CDH18: variants seen among roughly 807,000 people sequenced by gnomAD.
The protein encoded by CDH18 is cadherin 18.
In CDH18, 31 loss-of-function variants were observed where a neutral mutation model predicts 67.9. That is an observed-to-expected ratio of 0.46 (90% CI 0.34 to 0.62). The LOEUF is 0.62. CDH18 is among the 20% of genes least tolerant of loss of function. CDH18 has a pLI of 0.01. For missense variants in CDH18, 890 were observed against 975.5 expected (o/e 0.91, Z 1.17); for synonymous variants, 362 against 347.2 (o/e 1.04, Z -0.48).
intron 1 of CDH18, among the ~76,000 whole-genome samples, chr5:20,466,139 G>A (rs957194086): frequency 2.0e-5 from 3 of 151,922 alleles, no homozygotes; most frequent in South Asian, 4.1e-4. Context: ...TGAAGGGGAG[G>A]CAGCTTTCCC....
chr5:19,553,633 C>CTTTT (rs1021709184), intron 8 of CDH18, among the ~76,000 whole-genome samples: 20 of 108,766 alleles, frequency 1.8e-4, no homozygotes, highest in East Asian at 2.5e-4. Context: ...TGGTCTCATA[C>CTTTT]TTTTTTTTTT....
At chr5:19,664,000 T>G (rs1322882323) in intron 5 of CDH18, among the ~76,000 whole-genome samples, 1 of 151,810 alleles carries the variant, frequency 6.6e-6, no homozygotes, top group Non-Finnish European at 1.5e-5. Flanking sequence ...TATATAACAG[T>G]AGAGTACATT....
chr5:19,843,977 G>C (rs973995823), intron 2 of CDH18, among the ~76,000 whole-genome samples: 1 of 152,136 alleles, frequency 6.6e-6, no homozygotes, highest in African/African-American at 2.4e-5. Context: ...CCATTTCAGG[G>C]AGCATTTATC....
At chr5:19,529,894 T>C (rs1314280284) in intron 9 of CDH18, among the ~76,000 whole-genome samples, 1 of 152,164 alleles carries the variant, frequency 6.6e-6, no homozygotes, top group East Asian at 1.9e-4. Flanking sequence ...AGATTCAGTG[T>C]AATACCAACC....
At chr5:19,893,602 C>T (rs1788995409) in intron 2 of CDH18, among the ~76,000 whole-genome samples, 1 of 151,764 alleles carries the variant, frequency 6.6e-6, no homozygotes, top group Admixed American at 6.6e-5. Context: ...CTCTCTCCTA[C>T]AAGATTATTT....
intron 2 of CDH18, among the ~76,000 whole-genome samples, chr5:20,173,526 G>A (rs1006469631): frequency 2.6e-5 from 4 of 152,146 alleles, no homozygotes; most frequent in Non-Finnish European, 5.9e-5. Flanking sequence ...GAAAATGTAG[G>A]TAAGTACCTC....
intron 1 of CDH18, among the ~76,000 whole-genome samples, chr5:20,510,965 G>T (rs967270585): frequency 5.9e-5 from 9 of 152,044 alleles, no homozygotes; most frequent in African/African-American, 1.9e-4. Flanking sequence ...TTTAACAAAT[G>T]GTATTGGAAC....
chr5:19,923,412 G>A (rs921914460), intron 2 of CDH18, among the ~76,000 whole-genome samples: 5 of 152,112 alleles, frequency 3.3e-5, no homozygotes, highest in African/African-American at 7.2e-5. Context: ...GCTTGATACC[G>A]GTAAGTATGG....
At chr5:19,555,157 A>T (rs6882679) in intron 8 of CDH18, among the ~76,000 whole-genome samples, 6 of 152,064 alleles carry the variant, frequency 3.9e-5, no homozygotes, top group South Asian at 2.1e-4. Context: ...GAGAGGAGGC[A>T]GGACTAACTT....
intron 1 of CDH18, among the ~76,000 whole-genome samples, chr5:20,300,313 T>A (rs1459303370): frequency 6.6e-6 from 1 of 151,588 alleles, no homozygotes; most frequent in Non-Finnish European, 1.5e-5. Flanking sequence ...CGTGTGTGTG[T>A]GTGTGTGTGT....
At chr5:20,305,167 C>G in intron 1 of CDH18, 2 of 1,439,154 alleles carry the variant, frequency 1.4e-6, no homozygotes, top group Non-Finnish European at 2.0e-6. Context: ...GGGAGGGGCG[C>G]TGGTTATGTT....
At chr5:20,206,943 A>T (rs1210030251) in intron 2 of CDH18, among the ~76,000 whole-genome samples, 2 of 152,062 alleles carry the variant, frequency 1.3e-5, no homozygotes, top group Non-Finnish European at 2.9e-5. Flanking sequence ...TGAAACAAGG[A>T]TGCCCATTAT....
At chr5:19,685,558 T>G (rs971238289) in intron 5 of CDH18, among the ~76,000 whole-genome samples, 1 of 152,138 alleles carries the variant, frequency 6.6e-6, no homozygotes, top group Non-Finnish European at 1.5e-5. Flanking sequence ...TTGCCAGGAT[T>G]TTTTCCCCAT....
intron 1 of CDH18, among the ~76,000 whole-genome samples, chr5:20,257,100 C>T (rs781776338): frequency 6.6e-6 from 1 of 151,960 alleles, no homozygotes; most frequent in Non-Finnish European, 1.5e-5. Flanking sequence ...TAGAACACCT[C>T]CATGGACCTT....
intron 2 of CDH18, among the ~76,000 whole-genome samples, chr5:20,088,999 A>C (rs981854503): frequency 4.0e-4 from 61 of 152,090 alleles, no homozygotes; most frequent in African/African-American, 1.3e-3. Context: ...CAGTATTTCC[A>C]AAAAACGGTA....
intron 5 of CDH18, among the ~76,000 whole-genome samples, chr5:19,698,217 C>T (rs1329924368): frequency 6.6e-6 from 1 of 152,068 alleles, no homozygotes; most frequent in African/African-American, 2.4e-5. Flanking sequence ...TTAATGTTCT[C>T]CCCTGATTTT....
chr5:20,359,558 C>T (rs1350044534), intron 1 of CDH18, among the ~76,000 whole-genome samples: 3 of 152,046 alleles, frequency 2.0e-5, no homozygotes, highest in Admixed American at 1.3e-4. Context: ...ACTTCGGTGC[C>T]CCTGTCATGT....
At chr5:20,324,772 C>CA (rs1404514601) in intron 1 of CDH18, among the ~76,000 whole-genome samples, 3 of 151,958 alleles carry the variant, frequency 2.0e-5, no homozygotes, top group Non-Finnish European at 4.4e-5. Flanking sequence ...AGTCTGACAC[C>CA]AAAAAACACA....
At chr5:19,550,883 G>A (rs1396391870) in intron 8 of CDH18, among the ~76,000 whole-genome samples, 1 of 152,182 alleles carries the variant, frequency 6.6e-6, no homozygotes, top group Non-Finnish European at 1.5e-5. Flanking sequence ...CCCACCAACA[G>A]TGTAAAAGTG....
Sources: allele counts gnomAD v4.1 joint callset (sites outside exome capture counted in the v4.1 genomes callset), GRCh38; gene constraint gnomAD v4.1.1; transcripts MANE v1.5; gene names NCBI Gene and HGNC (gene_info 2026-07-23, HGNC 2026-07-21).